Variants in RAD23B observed in about 807,000 individuals in gnomAD.
RAD23B encodes lysine-specific demethylase RAD23B.
A neutral mutation model predicts 49.1 loss-of-function variants in RAD23B; 5 were observed. The ratio of observed to expected loss-of-function variants is 0.10; its 90% CI spans 0.05 to 0.21. The LOEUF (loss-of-function observed/expected upper bound fraction) is 0.21, where lower values mean the gene tolerates loss of function less well. Among genes scored for constraint, RAD23B ranks in the 10% least tolerant of loss-of-function variants. The pLI is 1.00. For missense variants in RAD23B, 356 were observed against 486.7 expected (o/e 0.73, Z 2.53); for synonymous variants, 184 against 165.4 (o/e 1.11, Z -0.86).
chr9:107,325,754 C>T (rs1003049096), intron 9 of RAD23B, among the ~76,000 whole-genome samples: 2 of 152,110 alleles, frequency 1.3e-5, no homozygotes, highest in Non-Finnish European at 2.9e-5. Flanking sequence ...TTTAACTGCC[C>T]TATCTGGAGC....
intron 3 of RAD23B, among the ~76,000 whole-genome samples, chr9:107,304,993 A>T (rs1018022818): frequency 6.6e-6 from 1 of 152,192 alleles, no homozygotes. Flanking sequence ...TAGAGAAACT[A>T]TTAAGAAAAT....
chr9:107,310,080 C>T (rs2133083631), intron 4 of RAD23B, among the ~76,000 whole-genome samples: 1 of 151,842 alleles, frequency 6.6e-6, no homozygotes, highest in South Asian at 2.1e-4. Context: ...GCGAAATCAA[C>T]AATAGCTTTG....
intron 5 of RAD23B, 75 bp downstream of exon 5, chr9:107,311,812 A>C (rs1405687675): frequency 8.8e-7 from 1 of 1,140,104 alleles, no homozygotes; most frequent in Admixed American, 2.6e-5. Flanking sequence ...GATCATGATA[A>C]AAGTGTTAAT....
intron 4 of RAD23B, among the ~76,000 whole-genome samples, chr9:107,309,727 T>C (rs997172131): frequency 6.6e-6 from 1 of 151,762 alleles, no homozygotes; most frequent in Non-Finnish European, 1.5e-5. Context: ...GTCAGGAGAT[T>C]GAGACCATCC....
chr9:107,324,177 T>C (rs1564252757), intron 8 of RAD23B, among the ~76,000 whole-genome samples, 160 bp downstream of exon 8: 1 of 152,160 alleles, frequency 6.6e-6, no homozygotes, highest in Non-Finnish European at 1.5e-5. Context: ...ATAGGTGTAC[T>C]AAAAAAACAG....
In RAD23B at chr9:107,290,398, C is replaced by G. The variant is rs150758275; in HGVS notation, c.66+6703C>G. On this transcript the variant is annotated intron_variant, in intron 1 of 9. Coordinates refer to ENST00000358015, the MANE Select transcript of RAD23B (RefSeq NM_002874.5). Reference sequence around the variant, plus strand: ...TTTTTCCCCATCTTAATGATACACTCCCTTGTGTCCACATCCCTCTTTAGC... The same window carrying G: ...TTTTTCCCCATCTTAATGATACACTGCCTTGTGTCCACATCCCTCTTTAGC... 2.7e-3 allele frequency among the ~76,000 whole-genome samples: 405 copies of G among 152,294 alleles called. 4 individuals carry two copies. Among genetic ancestry groups the G allele is most frequent in the African/African-American group, 9.4e-3 (390 of 41,554 alleles).
At chr9:107,312,550 T>C (rs1418658897) in intron 5 of RAD23B, among the ~76,000 whole-genome samples, 2 of 151,940 alleles carry the variant, frequency 1.3e-5, no homozygotes, top group Non-Finnish European at 2.9e-5. Context: ...AAATGGCATG[T>C]ACATTTAGTG....
intron 4 of RAD23B, among the ~76,000 whole-genome samples, chr9:107,307,565 A>G (rs975097744): frequency 1.3e-5 from 2 of 152,252 alleles, no homozygotes; most frequent in Non-Finnish European, 2.9e-5. Context: ...CTTTGGAGTC[A>G]GAATCAGACA....
chr9:107,322,528 C>G (rs781267434), intron 7 of RAD23B, among the ~76,000 whole-genome samples: 4 of 152,120 alleles, frequency 2.6e-5, no homozygotes, highest in Admixed American at 6.5e-5. Context: ...GAAATGAAAC[C>G]GTGAGAGGTT....
chr9:107,319,138 T>TTTC (rs1827059103), intron 6 of RAD23B, among the ~76,000 whole-genome samples: 2 of 140,856 alleles, frequency 1.4e-5, no homozygotes, highest in African/African-American at 5.4e-5. Flanking sequence ...CTTTTTTTTT[T>TTTC]TTTTTTTTTT....
chr9:107,316,114 A>G (rs939118874), intron 5 of RAD23B, among the ~76,000 whole-genome samples: 1 of 152,078 alleles, frequency 6.6e-6, no homozygotes, highest in Admixed American at 6.5e-5. Context: ...GGTTCAAGCA[A>G]TTCTCCTGCC....
At chr9:107,288,577 C>T (rs191350658) in intron 1 of RAD23B, among the ~76,000 whole-genome samples, 3 of 152,242 alleles carry the variant, frequency 2.0e-5, no homozygotes, top group African/African-American at 7.2e-5. Flanking sequence ...TCCCAAGTAG[C>T]TGGGACTAGA....
At chr9:107,314,677 G>A (rs1249077611) in intron 5 of RAD23B, among the ~76,000 whole-genome samples, 9 of 152,122 alleles carry the variant, frequency 5.9e-5, no homozygotes, top group Admixed American at 5.9e-4. Flanking sequence ...TTCCCTTTGG[G>A]TATATATACA....
chr9:107,306,123 G>T (rs1826766196), intron 3 of RAD23B, among the ~76,000 whole-genome samples: 1 of 133,546 alleles, frequency 7.5e-6, no homozygotes, highest in Admixed American at 7.7e-5. Context: ...AACTTGATAT[G>T]AAGATGGAAA....
chr9:107,315,287 G>A (rs1212530490), intron 5 of RAD23B, among the ~76,000 whole-genome samples: 1 of 152,034 alleles, frequency 6.6e-6, no homozygotes, highest in Non-Finnish European at 1.5e-5. Flanking sequence ...TTGGTTGTAG[G>A]TATGCAGCTT....
intron 1 of RAD23B, among the ~76,000 whole-genome samples, chr9:107,287,843 A>AC (rs562971064): frequency 1.9e-3 from 292 of 151,784 alleles, no homozygotes; most frequent in Non-Finnish European, 3.9e-3. Flanking sequence ...TCAAAAAAAA[A>AC]AAAAAAACAA....
intron 1 of RAD23B, among the ~76,000 whole-genome samples, chr9:107,285,606 A>G (rs2133059543): frequency 6.6e-6 from 1 of 152,180 alleles, no homozygotes; most frequent in East Asian, 1.9e-4. Context: ...ATTCTTAACT[A>G]TTTTTGCTGT....
At chr9:107,287,235 TA>T (rs11382139) in intron 1 of RAD23B, among the ~76,000 whole-genome samples, 21 of 151,704 alleles carry the variant, frequency 1.4e-4, no homozygotes, top group African/African-American at 3.4e-4. Context: ...CCTTTTGAGA[TA>T]AAAAAAATAC....
At chr9:107,292,465 G>T (rs569324215) in intron 1 of RAD23B, among the ~76,000 whole-genome samples, 1 of 152,216 alleles carries the variant, frequency 6.6e-6, no homozygotes, top group African/African-American at 2.4e-5. Context: ...CGGATCACGA[G>T]GTCAGGAGTT....
Sources: allele counts gnomAD v4.1 joint callset (sites outside exome capture counted in the v4.1 genomes callset), GRCh38; gene constraint gnomAD v4.1.1; transcripts MANE v1.5; gene names NCBI Gene and HGNC (gene_info 2026-07-23, HGNC 2026-07-21).